Variants in GPI observed in about 807,000 individuals in gnomAD.
The protein encoded by GPI is D-hexose-6-phosphate anomerase.
A neutral mutation model predicts 75.8 loss-of-function variants in GPI; 56 were observed. That is an observed-to-expected ratio of 0.74 (90% CI 0.60 to 0.92). The LOEUF (loss-of-function observed/expected upper bound fraction) is 0.92, where lower values mean the gene tolerates loss of function less well. Among genes scored for constraint, GPI ranks in the 40% least tolerant of loss-of-function variants. GPI has a pLI of 0.00. For missense variants in GPI, 638 were observed against 741.0 expected (o/e 0.86, Z 1.61); for synonymous variants, 288 against 285.4 (o/e 1.01, Z -0.09).
At chr19:34,369,348 T>C (rs1000698641) in intron 4 of GPI, among the ~76,000 whole-genome samples, 1 of 152,032 alleles carries the variant, frequency 6.6e-6, no homozygotes, top group African/African-American at 2.4e-5. Flanking sequence ...GAAGGAGCTT[T>C]TTCTAATCTC....
intron 4 of GPI, among the ~76,000 whole-genome samples, chr19:34,373,275 G>GT (rs1315088737): frequency 6.6e-6 from 1 of 151,714 alleles, no homozygotes; most frequent in East Asian, 2.0e-4. Context: ...CATAATTCCA[G>GT]CTACTCAGGA....
chr19:34,370,909 C>T (rs1044878155), intron 4 of GPI, among the ~76,000 whole-genome samples: 3 of 152,188 alleles, frequency 2.0e-5, no homozygotes, highest in Non-Finnish European at 4.4e-5. Flanking sequence ...CAGAGTGAGA[C>T]GCCTCCAGGG....
At chr19:34,365,978 G>T (rs775248140) in intron 1 of GPI, 1 of 523,830 alleles carries the variant, frequency 1.9e-6, no homozygotes, top group South Asian at 1.5e-5. Context: ...GGCGGGGGAG[G>T]GGAGCGACTG....
intron 4 of GPI, among the ~76,000 whole-genome samples, chr19:34,373,786 G>A (rs1321578165): frequency 6.6e-6 from 1 of 152,086 alleles, no homozygotes; most frequent in Non-Finnish European, 1.5e-5. Context: ...GCTTCATGGG[G>A]GTTGGAGGGT....
In GPI at chr19:34,366,436, G is replaced by GT; in HGVS notation, c.213+2dup. 1 of 1,605,922 alleles carries GT rather than the reference G, an allele frequency of 6.2e-7. No homozygotes were observed. Among genetic ancestry groups the GT allele is most frequent in the Non-Finnish European group, 8.5e-7 (1 of 1,172,496 alleles). ...CGTGATGCGGATGCTGGTGGACTTG[G>GT]TAATGTTCTGCTTGGGGAGGCATAA... On this transcript the variant is annotated splice_donor_variant, in intron 2 of 17. Transcript: ENST00000356487. LOFTEE classifies it high-confidence loss of function.
intron 9 of GPI, among the ~76,000 whole-genome samples, chr19:34,391,300 C>A (rs1036606829): frequency 6.7e-6 from 1 of 149,454 alleles, no homozygotes; most frequent in Non-Finnish European, 1.5e-5. Context: ...GAGGTAAGAT[C>A]TGGCCCTGGT....
chr19:34,377,510 G>A lies in GPI; in HGVS notation c.410G>A (p.Arg137Gln), dbSNP rs867154141. 1.3e-5 allele frequency: 21 copies of A among 1,611,466 alleles called. No homozygotes were observed. The highest frequency in any genetic ancestry group is 3.3e-4 in the Middle Eastern group (2 of 6,080). ...TCTTCGCCCCTGTGCCAGCGTGTCC[G>A]GAGCGGTGACTGGAAGGGGTACACA... ...DKMKSFCQRV[R>Q]SGDWKGYTGK... The change falls in exon 5 of 18, where the codon CGG becomes CAG. Residue 137 changes from arginine to glutamine, a missense_variant. Physicochemically the swap from Arg to Gln is conservative, Grantham distance 43. Transcript: ENST00000356487.
chr19:34,361,989 C>T (rs186703594), upstream of GPI, among the ~76,000 whole-genome samples: 1,270 of 152,132 alleles, frequency 8.3e-3, 17 homozygotes, highest in Middle Eastern at 0.02. Flanking sequence ...GTGTTGCATG[C>T]CTGTAATCTC....
Position 34,372,914 on chromosome 19 carries a change from CA to C in GPI, c.402+4213del, listed in dbSNP as rs2074477256. Among the ~76,000 whole-genome samples the C allele has an allele frequency of 3.9e-5, 6 of 152,130 alleles. No homozygotes were observed. In the South Asian group the frequency reaches 1.2e-3, roughly 32 times the overall value. Reference sequence around the variant, plus strand: ...TCAGCCTCCCGAGTAGCTGGGATTACAGGTACCTGCCACCACACCCAGCTAA... The same window carrying C: ...TCAGCCTCCCGAGTAGCTGGGATTACGGTACCTGCCACCACACCCAGCTAA... On this transcript the variant is annotated intron_variant, in intron 4 of 17. Transcript: ENST00000356487.
At chr19:34,362,200 T>C (rs2074305129), upstream of GPI, among the ~76,000 whole-genome samples, 1 of 151,326 alleles carries the variant, frequency 6.6e-6, no homozygotes, top group Non-Finnish European at 1.5e-5. Flanking sequence ...GGCAAGAGAA[T>C]TGCTTGAACC....
At chr19:34,395,930 CTTTTT>C (rs397974365) in intron 12 of GPI, among the ~76,000 whole-genome samples, 1 of 138,732 alleles carries the variant, frequency 7.2e-6, no homozygotes, top group Non-Finnish European at 1.6e-5. Flanking sequence ...CTTTCTTTTC[CTTTTT>C]TTTTTTTTTT....
intron 12 of GPI, among the ~76,000 whole-genome samples, chr19:34,394,720 CTT>C (rs905606438): frequency 2.1e-5 from 3 of 144,684 alleles, no homozygotes; most frequent in Admixed American, 6.9e-5. Flanking sequence ...CCTGTCCCTG[CTT>C]TTTTTTTTTT....
rs1364734053 is a variant in GPI at position 34,366,794 on chromosome 19, G to A, written c.225G>A (p.Arg75=). 1.9e-6 allele frequency: 3 copies of A among 1,613,004 alleles called. No individual in the cohort carries two copies. The highest frequency in any genetic ancestry group is 2.5e-6 in the Non-Finnish European group (3 of 1,179,732). Residue 75 remains arginine, a synonymous_variant, in exon 3 of 18, where the codon AGG becomes AGA. Transcript: ENST00000356487. ...MRMLVDLAKS[R]GVEAARERMF... ...TCGTCTCTTCCTAGGCCAAGTCCAG[G>A]GGCGTGGAGGCCGCCCGGGAGCGGA...
intron 9 of GPI, among the ~76,000 whole-genome samples, chr19:34,391,373 G>T: frequency 6.6e-6 from 1 of 150,456 alleles, no homozygotes; most frequent in Non-Finnish European, 1.5e-5. Context: ...GAGGATCTGG[G>T]TCTGTCAATA....
intron 4 of GPI, 144 bp from the exon 5 acceptor site, chr19:34,377,359 G>A (rs765857528): frequency 1.9e-5 from 5 of 261,124 alleles, no homozygotes; most frequent in Admixed American, 1.1e-4. Context: ...ATATATATAT[G>A]GTAAATTAAA....
rs906321729 is a variant in GPI, at chr19:34,385,155, C to A, written c.804+3636C>A. Among the ~76,000 whole-genome samples the A allele has an allele frequency of 2.6e-5, 4 of 151,646 alleles. No homozygotes were observed. In the East Asian group the frequency reaches 7.8e-4, roughly 29 times the overall value. Reference sequence around the variant, plus strand: ...AGGAGTTCAAGACCAGCCTGGCCAACATGGTGACGGGGTGAAACCCCATTT... The same window carrying A: ...AGGAGTTCAAGACCAGCCTGGCCAAAATGGTGACGGGGTGAAACCCCATTT... On this transcript the variant is annotated intron_variant, in intron 9 of 17. Coordinates refer to ENST00000356487, the MANE Select transcript of GPI (RefSeq NM_000175.5).
intron 4 of GPI, among the ~76,000 whole-genome samples, chr19:34,369,579 C>A (rs1386902719): frequency 6.6e-6 from 1 of 152,028 alleles, no homozygotes; most frequent in Non-Finnish European, 1.5e-5. Context: ...TGGTGACATA[C>A]GCCTGCAATC....
intron 3 of GPI, among the ~76,000 whole-genome samples, chr19:34,368,328 G>T (rs2074396833): frequency 6.6e-6 from 1 of 152,214 alleles, no homozygotes; most frequent in African/African-American, 2.4e-5. Context: ...TCTCTGGCAG[G>T]CCTTCGGGGC....
intron 4 of GPI, among the ~76,000 whole-genome samples, chr19:34,375,676 C>T (rs777368088): frequency 3.3e-5 from 5 of 152,178 alleles, no homozygotes; most frequent in African/African-American, 4.8e-5. Flanking sequence ...AGTTCGCTGC[C>T]GCGTGGGCTT....
Sources: gnomAD v4.1 joint callset for allele counts (sites outside exome capture counted in the v4.1 genomes callset) on GRCh38, gnomAD v4.1.1 for gene constraint, MANE v1.5 for transcripts, NCBI Gene and HGNC (gene_info 2026-07-23, HGNC 2026-07-21) for gene names.